CAMK2N1: variants seen among roughly 807,000 people sequenced by gnomAD.
CAMK2N1 encodes calcium/calmodulin-dependent protein kinase II inhibitor 1.
Under a neutral mutation model 6.4 loss-of-function variants are expected in CAMK2N1, and 2 were observed. That is an observed-to-expected ratio of 0.31 (90% confidence interval 0.13 to 0.98). The LOEUF (loss-of-function observed/expected upper bound fraction) is 0.98, where lower values mean the gene tolerates loss of function less well. Ranked by LOEUF, CAMK2N1 falls within the 50% of genes least tolerant of loss-of-function variation. The pLI, the probability that CAMK2N1 is intolerant of heterozygous loss-of-function variation, is 0.51. For synonymous variants in CAMK2N1, 42 were observed against 47.5 expected (o/e 0.88, Z 0.47); for missense variants, 77 against 107.3 (o/e 0.72, Z 1.25).
At position 20,485,951 on chromosome 1, in the gene CAMK2N1, T is replaced by G. The variant is rs1570323733; in HGVS notation, c.-572A>C. ...AGAGAAACCGAGAGGGAGACGGGGC[T>G]GAAAAACAGGGACTGAAAGACAGGG... On this transcript the variant is annotated 5_prime_UTR_variant, in exon 1 of 2. Transcript: ENST00000375078. The surrounding 1 kb of genome is among the most constrained non-coding windows in gnomAD (Gnocchi z 8.4). The G allele has an allele frequency of 1.5e-5, 2 of 131,426 alleles. No individual in the cohort carries two copies. Among genetic ancestry groups the G allele is most frequent in the African/African-American group, 3.0e-5 (1 of 33,628 alleles). 8.1% of individuals were successfully genotyped at this position (131,426 alleles called of 1,614,324 possible).
rs1252422477 is a variant in CAMK2N1 at position 20,484,517 on chromosome 1, TC to T, written c.166+696del. The T allele has an allele frequency of 6.6e-6, 1 of 151,868 alleles. No individual in the cohort carries two copies. The highest frequency in any genetic ancestry group is 1.5e-5 in the Non-Finnish European group (1 of 68,042). The allele number at this position is 151,868 out of a possible 1,614,324, so 9.4% of individuals were successfully genotyped here. A position where few individuals can be genotyped will look rare whatever the true frequency, so the allele number is the denominator to read the frequency against. On this transcript the variant is annotated intron_variant, in intron 1 of 1. Transcript: ENST00000375078. The surrounding 1 kb of genome is among the most constrained non-coding windows in gnomAD (Gnocchi z 6.8). ...CTGCGTCCTCCCCAAACGCGCGTCCTCGGCTCTGTCTCTCCCGCTTCAGCTC... is the reference window on the plus strand; with the variant it reads ...CTGCGTCCTCCCCAAACGCGCGTCCTGGCTCTGTCTCTCCCGCTTCAGCTC...
rs975391727 is a variant in CAMK2N1, at chr1:20,482,753, A to G, written c.*896T>C. 13 of 152,376 alleles carry G rather than the reference A, an allele frequency of 8.5e-5. No individual in the cohort carries two copies. Among genetic ancestry groups the G allele is most frequent in the South Asian group, 2.1e-4 (1 of 4,832 alleles). The allele number at this position is 152,376 out of a possible 1,614,324, so 9.4% of individuals were successfully genotyped here. A position where few individuals can be genotyped will look rare whatever the true frequency, so the allele number is the denominator to read the frequency against. ...GATTACATTTTTTTACAGTCCATTA[A>G]AGAGAATAAACTGACATAATATTAG... On this transcript the variant is annotated 3_prime_UTR_variant, in exon 2 of 2. Coordinates refer to ENST00000375078, the MANE Select transcript of CAMK2N1 (RefSeq NM_018584.6).
intron 1 of CAMK2N1, 105 bp from the exon 2 acceptor site, chr1:20,483,824 C>T (rs1390998893): frequency 1.3e-5 from 13 of 1,018,178 alleles, no homozygotes; most frequent in Admixed American, 1.8e-5. Flanking sequence ...GAGGAGAGGG[C>T]GAGGGAGCAG....
At chr1:20,483,772 G>A in intron 1 of CAMK2N1, 53 bp from the exon 2 acceptor site, 2 of 1,511,118 alleles carry the variant, frequency 1.3e-6, no homozygotes, top group Middle Eastern at 1.7e-4. Flanking sequence ...CTAGCCAGAG[G>A]TCTCTGACAT....
At position 20,482,784 on chromosome 1, in the gene CAMK2N1, T is replaced by G. The variant is rs1302480259; in HGVS notation, c.*865A>C. The G allele has an allele frequency of 1.3e-5, 2 of 151,858 alleles. No homozygotes were observed. The highest frequency in any genetic ancestry group is 4.8e-5 in the African/African-American group (2 of 41,270). 9.4% of individuals were successfully genotyped at this position (151,858 alleles called of 1,614,324 possible). A position where few individuals can be genotyped will look rare whatever the true frequency, so the allele number is the denominator to read the frequency against. On this transcript the variant is annotated 3_prime_UTR_variant, in exon 2 of 2. Coordinates refer to ENST00000375078, the MANE Select transcript of CAMK2N1 (RefSeq NM_018584.6). ...ATAAACTGACATAATATTAGAGAAA[T>G]AAACAGGCTGCTCACACAACAGACT...
Position 20,483,495 on chromosome 1 carries a change from T to C in CAMK2N1, c.*154A>G. Reference sequence around the variant, plus strand: ...CTCCTCCTCCTCCTCTCGCCTCATCTGTCTCCCGGCCTGATACCAGATACA... The same window carrying C: ...CTCCTCCTCCTCCTCTCGCCTCATCCGTCTCCCGGCCTGATACCAGATACA... On this transcript the variant is annotated 3_prime_UTR_variant, in exon 2 of 2. Transcript: ENST00000375078. 3.2e-6 allele frequency: 2 copies of C among 634,696 alleles called. No individual in the cohort carries two copies. The highest frequency in any genetic ancestry group is 2.0e-5 in the South Asian group (1 of 49,704). The allele number at this position is 634,696 out of a possible 1,614,324, so 39.3% of individuals were successfully genotyped here.
chr1:20,483,970 C>A (rs1395427640), intron 1 of CAMK2N1, among the ~76,000 whole-genome samples: 1 of 152,224 alleles, frequency 6.6e-6, no homozygotes, highest in Non-Finnish European at 1.5e-5. Flanking sequence ...AAACAGAGGG[C>A]GCCAACCCAG....
chr1:20,483,870 C>G, intron 1 of CAMK2N1, 151 bp from the exon 2 acceptor site: 1 of 685,496 alleles, frequency 1.5e-6, no homozygotes, highest in African/African-American at 1.8e-5. Flanking sequence ...CATCCTCCGT[C>G]CCTGCCAGGG....
At position 20,485,272 on chromosome 1, in the gene CAMK2N1, G is replaced by A. The variant is rs756180318; in HGVS notation, c.108C>T (p.Phe36=). Residue 36 remains phenylalanine (F), a synonymous_variant, in exon 1 of 2, where the codon TTC becomes TTT. Coordinates refer to ENST00000375078, the MANE Select transcript of CAMK2N1 (RefSeq NM_018584.6). The surrounding 1 kb of genome is among the most constrained non-coding windows in gnomAD (Gnocchi z 8.4). Reference sequence around the variant, plus strand: ...GCGGCCGCTTGTTCTGCCCGGCGCCGAAGAAGTTGTTGGTGTCCTGCAGGC... The same window carrying A: ...GCGGCCGCTTGTTCTGCCCGGCGCCAAAGAAGTTGTTGGTGTCCTGCAGGC... The part of the protein sequence containing the change: ...SCRLQDTNNF[F]GAGQNKRPPK... 5.6e-5 allele frequency: 90 copies of A among 1,598,548 alleles called. 2 individuals are homozygous for A. The South Asian group carries it at 9.6e-4, about 17-fold the overall frequency.
Sources: allele counts gnomAD v4.1 joint callset (sites outside exome capture counted in the v4.1 genomes callset), GRCh38; gene constraint gnomAD v4.1.1; non-coding constraint Gnocchi (gnomAD v3.1); transcripts MANE v1.5; gene names NCBI Gene and HGNC (gene_info 2026-07-23, HGNC 2026-07-21).